The following STAG1 variants were observed in gnomAD, a reference collection of about 807,000 sequenced individuals.
The protein encoded by STAG1 is STAG1 cohesin complex component.
Under a neutral mutation model 170.9 loss-of-function variants are expected in STAG1, and 26 were observed. The ratio of observed to expected loss-of-function variants is 0.15; its 90% confidence interval spans 0.11 to 0.21. The LOEUF is 0.21. Among genes scored for constraint, STAG1 ranks in the 10% least tolerant of loss-of-function variants. STAG1 has a pLI of 1.00. For missense variants in STAG1, 964 were observed against 1,509.5 expected, an observed-to-expected ratio of 0.64 and a Z score of 5.99; for synonymous variants, 514 against 497.7, an observed-to-expected ratio of 1.03 and a Z score of -0.44.
intron 16 of STAG1, among the ~76,000 whole-genome samples, 160 bp downstream of exon 16, chr3:136,433,396 T>C (rs1295747155): frequency 2.0e-5 from 3 of 152,140 alleles, no homozygotes; most frequent in Non-Finnish European, 4.4e-5. Flanking sequence ...TTTTGGAACC[T>C]GAGTATAGCA....
intron 4 of STAG1, among the ~76,000 whole-genome samples, chr3:136,575,188 T>C (rs1171011963): frequency 6.6e-6 from 1 of 152,202 alleles, no homozygotes; most frequent in African/African-American, 2.4e-5. Flanking sequence ...AAGAAGGGTT[T>C]AAATCAATGA....
intron 13 of STAG1, among the ~76,000 whole-genome samples, chr3:136,458,401 C>T (rs893818205): frequency 6.6e-6 from 1 of 152,178 alleles, no homozygotes; most frequent in Non-Finnish European, 1.5e-5. Flanking sequence ...AAGAGATCTG[C>T]CTGCCTTGGC....
chr3:136,669,775 C>A (rs1322768709), intron 1 of STAG1, among the ~76,000 whole-genome samples: 1 of 152,222 alleles, frequency 6.6e-6, no homozygotes, highest in African/African-American at 2.4e-5. Context: ...AAACTGACTT[C>A]TCACAACTTC....
At chr3:136,493,472 T>C (rs1242766688) in intron 9 of STAG1, among the ~76,000 whole-genome samples, 2 of 151,722 alleles carry the variant, frequency 1.3e-5, no homozygotes, top group Admixed American at 6.6e-5. Context: ...CTGGACAACA[T>C]GGCCAAACCC....
chr3:136,732,396 G>C (rs1470359896), intron 1 of STAG1, among the ~76,000 whole-genome samples: 1 of 152,004 alleles, frequency 6.6e-6, no homozygotes, highest in East Asian at 1.9e-4. Flanking sequence ...GAATAATAAA[G>C]AAAAAGCTAA....
chr3:136,694,437 G>A (rs964261827), intron 1 of STAG1, among the ~76,000 whole-genome samples: 2 of 151,940 alleles, frequency 1.3e-5, no homozygotes, highest in East Asian at 1.9e-4. Context: ...GCAACATAGT[G>A]AGACCGTGTC....
intron 1 of STAG1, among the ~76,000 whole-genome samples, chr3:136,740,650 T>G (rs970698668): frequency 2.6e-5 from 4 of 152,092 alleles, no homozygotes; most frequent in African/African-American, 9.7e-5. Context: ...TAACTAATTT[T>G]TTGTATTTTT....
intron 22 of STAG1, among the ~76,000 whole-genome samples, chr3:136,387,389 T>C (rs1375939338): frequency 1.3e-5 from 2 of 152,216 alleles, no homozygotes; most frequent in Non-Finnish European, 2.9e-5. Context: ...AACTGTATTA[T>C]GTTTTTTTGT....
At chr3:136,396,218 T>TG (rs1560084707) in intron 22 of STAG1, among the ~76,000 whole-genome samples, 2 of 144,114 alleles carry the variant, frequency 1.4e-5, no homozygotes, top group East Asian at 2.1e-4. Flanking sequence ...AGTTTTTTTT[T>TG]TTTTTTTTTT....
intron 11 of STAG1, among the ~76,000 whole-genome samples, chr3:136,472,770 G>C (rs2089658613): frequency 6.6e-6 from 1 of 152,160 alleles, no homozygotes. Context: ...AAGCTGTAAA[G>C]AAAATTTTAA....
intron 5 of STAG1, among the ~76,000 whole-genome samples, chr3:136,563,662 A>C (rs1936933641): frequency 6.8e-6 from 1 of 147,894 alleles, no homozygotes; most frequent in Admixed American, 6.7e-5. Context: ...AAAAAAAAAA[A>C]ACAACAACAA....
At chr3:136,489,564 C>A (rs1378574949) in intron 9 of STAG1, among the ~76,000 whole-genome samples, 1 of 151,182 alleles carries the variant, frequency 6.6e-6, no homozygotes, top group Non-Finnish European at 1.5e-5. Flanking sequence ...TATGAATGGC[C>A]AAAAAAGGCA....
At chr3:136,515,659 G>C (rs1386625072) in intron 7 of STAG1, among the ~76,000 whole-genome samples, 1 of 152,054 alleles carries the variant, frequency 6.6e-6, no homozygotes, top group Non-Finnish European at 1.5e-5. Flanking sequence ...GCTGCCAAAA[G>C]AAAGCTAATT....
intron 5 of STAG1, among the ~76,000 whole-genome samples, chr3:136,548,114 GT>G (rs1458240897): frequency 8.8e-5 from 13 of 148,302 alleles, no homozygotes; most frequent in African/African-American, 3.2e-4. Flanking sequence ...AAACTGTTTT[GT>G]TTTGTTTTTT....
chr3:136,670,679 AG>A (rs940830582), intron 1 of STAG1, among the ~76,000 whole-genome samples: 1 of 152,004 alleles, frequency 6.6e-6, no homozygotes, highest in Non-Finnish European at 1.5e-5. Context: ...CTATGTTGGC[AG>A]GGGCTGGTCT....
intron 1 of STAG1, among the ~76,000 whole-genome samples, chr3:136,664,605 T>C (rs1387669161): frequency 6.6e-6 from 1 of 152,182 alleles, no homozygotes; most frequent in Non-Finnish European, 1.5e-5. Flanking sequence ...CCATGAAAAG[T>C]TTAGAACCAC....
chr3:136,681,905 A>G (rs745820461), intron 1 of STAG1, among the ~76,000 whole-genome samples: 1 of 152,172 alleles, frequency 6.6e-6, no homozygotes, highest in Non-Finnish European at 1.5e-5. Flanking sequence ...TGAAATACGC[A>G]CAGCTAATAT....
intron 1 of STAG1, among the ~76,000 whole-genome samples, chr3:136,682,316 T>TC (rs917189465): frequency 6.2e-4 from 94 of 151,664 alleles, no homozygotes; most frequent in African/African-American, 2.2e-3. Context: ...TCCCAGCTAC[T>TC]CCGAAGGCTG....
chr3:136,532,983 C>G (rs947177305), intron 6 of STAG1, among the ~76,000 whole-genome samples: 15 of 152,260 alleles, frequency 9.9e-5, no homozygotes, highest in Non-Finnish European at 2.2e-4. Flanking sequence ...AACTGTCCCT[C>G]TCAGCAGATG....
Sources: gnomAD v4.1 joint callset for allele counts (sites outside exome capture counted in the v4.1 genomes callset) on GRCh38, gnomAD v4.1.1 for gene constraint, MANE v1.5 for transcripts, NCBI Gene and HGNC (gene_info 2026-07-23, HGNC 2026-07-21) for gene names.